Variants in ATP8A1 observed in about 807,000 individuals in gnomAD.
The protein encoded by ATP8A1 is phospholipid-transporting ATPase IA.
In ATP8A1, 90 loss-of-function variants were observed where a neutral mutation model predicts 177.7. The observed-to-expected ratio is 0.51, with a 90% confidence interval of 0.43 to 0.60. The LOEUF (loss-of-function observed/expected upper bound fraction) is 0.60. Ranked by LOEUF, ATP8A1 falls within the 20% of genes least tolerant of loss-of-function variation. The pLI, the probability that ATP8A1 is intolerant of heterozygous loss-of-function variation, is 0.00. For synonymous variants in ATP8A1, 493 were observed against 485.9 expected (o/e 1.01, Z -0.19); for missense variants, 1,072 against 1,392.8 (o/e 0.77, Z 3.67).
chr4:42,505,085 ATC>A (rs918273988), intron 23 of ATP8A1, among the ~76,000 whole-genome samples: 1 of 152,190 alleles, frequency 6.6e-6, no homozygotes, highest in African/African-American at 2.4e-5. Flanking sequence ...CTTTATAGCA[ATC>A]ATTGATAGCT....
intron 25 of ATP8A1, among the ~76,000 whole-genome samples, chr4:42,473,631 A>C (rs71610020): frequency 6.6e-6 from 1 of 150,836 alleles, no homozygotes; most frequent in Non-Finnish European, 1.5e-5. Context: ...AAGTTTTTTT[A>C]TTTATTTAAT....
chr4:42,512,311 CAAT>C (rs1227630381), intron 22 of ATP8A1, among the ~76,000 whole-genome samples: 1 of 152,146 alleles, frequency 6.6e-6, no homozygotes, highest in African/African-American at 2.4e-5. Flanking sequence ...TCTTGGTCTT[CAAT>C]AATACTTCAT....
intron 5 of ATP8A1, among the ~76,000 whole-genome samples, chr4:42,602,583 G>T (rs1735397175): frequency 6.6e-6 from 1 of 152,048 alleles, no homozygotes; most frequent in African/African-American, 2.4e-5. Flanking sequence ...GGCCAACATG[G>T]TGAAACCCTG....
chr4:42,561,955 T>C (rs567413913), intron 15 of ATP8A1: 29 of 152,288 alleles, frequency 1.9e-4, no homozygotes, highest in African/African-American at 6.5e-4. Flanking sequence ...ATAATGATGA[T>C]CTAATGGTGG....
rs1048038555 is a variant in ATP8A1 at position 42,516,731 on chromosome 4, C to T, written c.1947+5429G>A. ...GGAAGAAAGACCAGAGACTTCTATA[C>T]TATTAATTTTCAAAGGAATCTAGTA... On this transcript the variant is annotated intron_variant, in intron 22 of 36. Coordinates refer to ENST00000381668, the MANE Select transcript of ATP8A1 (RefSeq NM_006095.2). Among the ~76,000 whole-genome samples, 3 of 152,012 alleles carry T rather than the reference C, an allele frequency of 2.0e-5. No homozygotes were observed. In the South Asian group the frequency reaches 6.2e-4, roughly 31 times the overall value.
intron 17 of ATP8A1, among the ~76,000 whole-genome samples, chr4:42,551,824 G>A (rs537246650): frequency 6.6e-6 from 1 of 152,254 alleles, no homozygotes; most frequent in East Asian, 1.9e-4. Flanking sequence ...AATGATATGA[G>A]ACATAACAAT....
chr4:42,554,081 C>T (rs748996265), intron 16 of ATP8A1, among the ~76,000 whole-genome samples: 2 of 152,072 alleles, frequency 1.3e-5, no homozygotes, highest in Admixed American at 1.3e-4. Context: ...GAAGAGAGAA[C>T]GCAGAGAATA....
intron 19 of ATP8A1, among the ~76,000 whole-genome samples, chr4:42,546,441 G>A: frequency 8.2e-6 from 1 of 122,342 alleles, no homozygotes; most frequent in African/African-American, 3.0e-5. Context: ...TGGGGTGGGG[G>A]GAGGGGGGAG....
chr4:42,433,425 C>A lies in ATP8A1; in HGVS notation c.3124-9720G>T, dbSNP rs544382558. Among the ~76,000 whole-genome samples, 383 of 152,240 alleles carry A rather than the reference C, an allele frequency of 2.5e-3. 1 individual carries two copies. Among genetic ancestry groups the A allele is most frequent in the African/African-American group, 8.9e-3 (368 of 41,536 alleles). ...TGATCCACTGAACCCGGTATAGGTC[C>A]TGAGACATAGGCACTCCATAAATCT... On this transcript the variant is annotated intron_variant, in intron 33 of 36. Transcript: ENST00000381668.
chr4:42,447,893 C>G (rs1240684804), intron 30 of ATP8A1, among the ~76,000 whole-genome samples: 2 of 152,102 alleles, frequency 1.3e-5, no homozygotes, highest in Non-Finnish European at 2.9e-5. Context: ...ATGTAAATCA[C>G]CAAGCAGTAT....
chr4:42,444,230 A>G (rs1287040404), intron 32 of ATP8A1, among the ~76,000 whole-genome samples: 1 of 152,202 alleles, frequency 6.6e-6, no homozygotes, highest in Non-Finnish European at 1.5e-5. Context: ...TCACTTTCCA[A>G]TGGGTTTGCT....
At chr4:42,560,362 A>T (rs1560460771) in intron 15 of ATP8A1, among the ~76,000 whole-genome samples, 1 of 152,042 alleles carries the variant, frequency 6.6e-6, no homozygotes, top group African/African-American at 2.4e-5. Flanking sequence ...TAATATGTTA[A>T]TGCATTGTGA....
At chr4:42,577,060 T>C (rs1388840036) in intron 12 of ATP8A1, among the ~76,000 whole-genome samples, 2 of 152,240 alleles carry the variant, frequency 1.3e-5, no homozygotes, top group African/African-American at 4.8e-5. Context: ...CAGTGTTCTA[T>C]CTGTCAGATG....
At chr4:42,442,033 C>T (rs971668703) in intron 33 of ATP8A1, among the ~76,000 whole-genome samples, 1 of 152,160 alleles carries the variant, frequency 6.6e-6, no homozygotes, top group African/African-American at 2.4e-5. Flanking sequence ...GGGAATTCTA[C>T]AGGCAAGGGT....
intron 18 of ATP8A1, among the ~76,000 whole-genome samples, chr4:42,549,736 C>T (rs1729305551): frequency 6.6e-6 from 1 of 151,952 alleles, no homozygotes; most frequent in South Asian, 2.1e-4. Flanking sequence ...GGGTTCAAGG[C>T]TATGGTTAGC....
At chr4:42,423,304 T>C (rs949204719) in intron 34 of ATP8A1, among the ~76,000 whole-genome samples, 2 of 152,182 alleles carry the variant, frequency 1.3e-5, no homozygotes, top group African/African-American at 2.4e-5. Flanking sequence ...AAAAATGTTT[T>C]TGGAAATAGT....
intron 6 of ATP8A1, among the ~76,000 whole-genome samples, chr4:42,593,936 C>T (rs1233266903): frequency 6.6e-6 from 1 of 151,788 alleles, no homozygotes; most frequent in East Asian, 1.9e-4. Context: ...TTATGACGAA[C>T]AAGGACTGAA....
chr4:42,474,037 A>C (rs1027875985), intron 25 of ATP8A1, among the ~76,000 whole-genome samples: 16 of 152,138 alleles, frequency 1.1e-4, no homozygotes, highest in African/African-American at 3.9e-4. Context: ...AGTTTCTCCA[A>C]GGAACCTTCT....
rs557110208 is a variant in ATP8A1, at chr4:42,641,381, G to A, written c.50-14272C>T. Among the ~76,000 whole-genome samples, 16 of 152,278 alleles carry A rather than the reference G, an allele frequency of 1.1e-4. No individual in the cohort carries two copies. The South Asian group carries it at 2.9e-3, about 28-fold the overall frequency. ...ATGGAATGGGCTGTCTTAAAAGGGT[G>A]TGTGTGGGTGTGTTCCCTTCACTGT... is the stretch of plus-strand genomic sequence containing the variant. On this transcript the variant is annotated intron_variant, in intron 1 of 36. Coordinates refer to ENST00000381668, the MANE Select transcript of ATP8A1 (RefSeq NM_006095.2).
Sources: gnomAD v4.1 joint callset for allele counts (sites outside exome capture counted in the v4.1 genomes callset) on GRCh38, gnomAD v4.1.1 for gene constraint, MANE v1.5 for transcripts, NCBI Gene and HGNC (gene_info 2026-07-23, HGNC 2026-07-21) for gene names.